Variants in PRKD1 observed in about 807,000 individuals in gnomAD.
The protein encoded by PRKD1 is serine/threonine-protein kinase D1.
A neutral mutation model predicts 95.9 loss-of-function variants in PRKD1; 63 were observed. The observed-to-expected ratio is 0.66, with a 90% CI of 0.54 to 0.81. The LOEUF (loss-of-function observed/expected upper bound fraction) is 0.81. Among genes scored for constraint, PRKD1 ranks in the 30% least tolerant of loss-of-function variants. The pLI is 0.00. For synonymous variants in PRKD1, 425 were observed against 423.1 expected, an observed-to-expected ratio of 1.00 and a Z score of -0.05; for missense variants, 1,048 against 1,165.3, an observed-to-expected ratio of 0.90 and a Z score of 1.47.
chr14:29,896,409 A>G (rs540599230), intron 1 of PRKD1, among the ~76,000 whole-genome samples: 10 of 152,184 alleles, frequency 6.6e-5, no homozygotes, highest in Admixed American at 3.3e-4. Context: ...ATTAGCTTAA[A>G]TGAAGGTTTA....
At chr14:29,738,998 A>T (rs1185990728) in intron 1 of PRKD1, among the ~76,000 whole-genome samples, 1 of 151,638 alleles carries the variant, frequency 6.6e-6, no homozygotes, top group African/African-American at 2.4e-5. Context: ...ACCATGCCTG[A>T]CTACTTTTTG....
Position 29,668,656 on chromosome 14 carries a change from AAAT to A in PRKD1, c.404-2451_404-2449del. Among the ~76,000 whole-genome samples the A allele has an allele frequency of 1.3e-5, 2 of 152,202 alleles. 1 individual carries two copies. The highest frequency in any genetic ancestry group is 6.3e-3 in the Middle Eastern group (2 of 316). On this transcript the variant is annotated intron_variant, in intron 2 of 17. Coordinates refer to ENST00000331968, the MANE Select transcript of PRKD1 (RefSeq NM_002742.3). Reference sequence around the variant, plus strand: ...AACTGTTTGGTTAGCAGTACAGAAGAAATAAGGCTTCTGAAGCAAAATAATCTC... The same window carrying A: ...AACTGTTTGGTTAGCAGTACAGAAGAAAGGCTTCTGAAGCAAAATAATCTC...
intron 1 of PRKD1, among the ~76,000 whole-genome samples, chr14:29,885,582 C>A (rs772669729): frequency 1.3e-5 from 2 of 151,790 alleles, no homozygotes. Context: ...ACAAAAAATG[C>A]TTCATCTCCT....
intron 1 of PRKD1, among the ~76,000 whole-genome samples, chr14:29,827,682 G>C (rs1891251330): frequency 6.6e-6 from 1 of 151,700 alleles, no homozygotes; most frequent in Non-Finnish European, 1.5e-5. Context: ...CACTACCTTA[G>C]AATACAGCCT....
intron 1 of PRKD1, among the ~76,000 whole-genome samples, chr14:29,761,837 C>T (rs1303840264): frequency 6.9e-6 from 1 of 145,358 alleles, no homozygotes; most frequent in African/African-American, 2.6e-5. Context: ...GGCTGGACTG[C>T]GGTGGCATGA....
rs778728294 is a variant in PRKD1, at chr14:29,599,796, C to A, written c.1927G>T (p.Val643Leu). The change falls in exon 14 of 18, where the codon GTA becomes TTA. Residue 643 changes from valine (V) to leucine (L), a missense_variant. By Grantham distance (32) the Val-to-Leu change is conservative. Coordinates refer to ENST00000331968, the MANE Select transcript of PRKD1 (RefSeq NM_002742.3). Reference sequence around the variant, plus strand: ...GTCTCAAACATACACTCCAAATTTACAACACCAGGGTGATGAAGGTTCTAT... The same window carrying A: ...GTCTCAAACATACACTCCAAATTTAAAACACCAGGGTGATGAAGGTTCTAT... ...ILQNLHHPGV[V>L]NLECMFETPE... is the part of the protein sequence containing the mutation. 6.2e-7 allele frequency: 1 copy of A among 1,612,166 alleles called. No individual in the cohort carries two copies. The highest frequency in any genetic ancestry group is 8.5e-7 in the Non-Finnish European group (1 of 1,179,368).
At chr14:29,898,165 T>C (rs567402584) in intron 1 of PRKD1, among the ~76,000 whole-genome samples, 9 of 152,286 alleles carry the variant, frequency 5.9e-5, no homozygotes, top group East Asian at 1.9e-4. Context: ...CTCTTTTCAA[T>C]TCCAGATTTT....
intron 1 of PRKD1, among the ~76,000 whole-genome samples, chr14:29,855,408 T>C (rs1001206403): frequency 2.0e-5 from 3 of 152,220 alleles, no homozygotes; most frequent in Non-Finnish European, 1.5e-5. Context: ...CAGACTTGCA[T>C]GGGGTCTTTA....
In PRKD1 at chr14:29,715,290, T is replaced by C. The variant is rs185973196; in HGVS notation, c.403+10246A>G. The stretch of plus-strand genomic sequence containing the variant: ...ACCCTCTTTGGAGTAAAATTTGATT[T>C]ATCTAGTTGCTCTGTCCAATAGAAC... On this transcript the variant is annotated intron_variant, in intron 2 of 17. Coordinates refer to ENST00000331968, the MANE Select transcript of PRKD1 (RefSeq NM_002742.3). 4.8e-3 allele frequency among the ~76,000 whole-genome samples: 733 copies of C among 151,958 alleles called. 2 individuals are homozygous for C. Among genetic ancestry groups the C allele is most frequent in the Non-Finnish European group, 8.7e-3 (588 of 67,966 alleles).
intron 1 of PRKD1, among the ~76,000 whole-genome samples, chr14:29,852,147 G>C (rs117912189): frequency 3.9e-5 from 6 of 152,058 alleles, no homozygotes; most frequent in Non-Finnish European, 7.4e-5. Context: ...CACTGCCCTA[G>C]TGACAGGTTA....
At chr14:29,593,781 T>A (rs952321592) in intron 16 of PRKD1, among the ~76,000 whole-genome samples, 8 of 152,190 alleles carry the variant, frequency 5.3e-5, no homozygotes, top group African/African-American at 1.9e-4. Context: ...AAGTTACAGA[T>A]AGGTTTCTGT....
chr14:29,927,757 A>C lies in PRKD1; in HGVS notation c.-245T>G. 2.8e-5 allele frequency: 5 copies of C among 176,750 alleles called. No homozygotes were observed. The highest frequency in any genetic ancestry group is 3.5e-5 in the Non-Finnish European group (3 of 85,684). The allele number at this position is 176,750 out of a possible 1,614,324, so 10.9% of individuals were successfully genotyped here. On this transcript the variant is annotated 5_prime_UTR_variant, in exon 1 of 18. Transcript: ENST00000331968. ...AGGCGGGAGGACTCTGAGGCCCGGA[A>C]CGCGGCAGCCGGCTCGGGGCCGCCG...
intron 1 of PRKD1, among the ~76,000 whole-genome samples, chr14:29,852,223 TG>T (rs1298982448): frequency 6.6e-6 from 1 of 152,036 alleles, no homozygotes; most frequent in African/African-American, 2.4e-5. Flanking sequence ...TTATACCCCT[TG>T]AATCTAAAAT....
In PRKD1 at chr14:29,576,594, TA is replaced by T. The variant is rs1386782327; in HGVS notation, c.*643del. On this transcript the variant is annotated 3_prime_UTR_variant, in exon 18 of 18. Coordinates refer to ENST00000331968, the MANE Select transcript of PRKD1 (RefSeq NM_002742.3). ...AAGAAAGAGGGAAATGTATCTGTTA[TA>T]TATGGCAGTTTACATTTCTAAGGCA... 1 of 155,272 alleles carries T rather than the reference TA, an allele frequency of 6.4e-6. No homozygotes were observed. Among genetic ancestry groups the T allele is most frequent in the African/African-American group, 2.4e-5 (1 of 41,468 alleles). 9.6% of individuals were successfully genotyped at this position (155,272 alleles called of 1,614,324 possible).
intron 1 of PRKD1, among the ~76,000 whole-genome samples, chr14:29,876,534 C>T (rs1199193749): frequency 6.6e-6 from 1 of 151,608 alleles, no homozygotes; most frequent in African/African-American, 2.4e-5. Flanking sequence ...GCATGTGCAA[C>T]CAAAGGAAAA....
chr14:29,840,323 C>G (rs547891580), intron 1 of PRKD1, among the ~76,000 whole-genome samples: 7 of 152,130 alleles, frequency 4.6e-5, no homozygotes, highest in Non-Finnish European at 7.4e-5. Flanking sequence ...CTCCAGTTCC[C>G]AACAGCTTCC....
chr14:29,746,239 T>C (rs988351087), intron 1 of PRKD1, among the ~76,000 whole-genome samples: 6 of 152,106 alleles, frequency 3.9e-5, no homozygotes, highest in Admixed American at 6.5e-5. Context: ...TAGAAAACTT[T>C]AGTTAAGCAG....
chr14:29,785,014 T>C (rs2139178020), intron 1 of PRKD1, among the ~76,000 whole-genome samples: 1 of 152,242 alleles, frequency 6.6e-6, no homozygotes, highest in East Asian at 1.9e-4. Context: ...TTCCATCTCC[T>C]TTTACTGCTA....
chr14:29,583,040 G>C (rs1240125604), intron 16 of PRKD1, among the ~76,000 whole-genome samples: 1 of 152,138 alleles, frequency 6.6e-6, no homozygotes, highest in Non-Finnish European at 1.5e-5. Flanking sequence ...CCCCAGTGGG[G>C]AAGTGTAGAG....
Sources: gnomAD v4.1 joint callset for allele counts (sites outside exome capture counted in the v4.1 genomes callset) on GRCh38, gnomAD v4.1.1 for gene constraint, MANE v1.5 for transcripts, NCBI Gene and HGNC (gene_info 2026-07-23, HGNC 2026-07-21) for gene names.